The following CRB2 variants were observed in gnomAD, a reference collection of about 807,000 sequenced individuals.
CRB2 encodes the protein protein crumbs homolog 2.
In CRB2, 85 loss-of-function variants were observed where a neutral mutation model predicts 110.9. That is an observed-to-expected ratio of 0.77 (90% CI 0.64 to 0.92). CRB2 has a LOEUF of 0.92. CRB2 is among the 40% of genes least tolerant of loss of function. CRB2 has a pLI of 0.00. For synonymous variants in CRB2, 907 were observed against 831.0 expected (o/e 1.09, Z -1.57); for missense variants, 1,843 against 1,851.3 (o/e 1.00, Z 0.08).
Position 123,370,744 on chromosome 9 carries a change from C to G in CRB2, c.1691C>G (p.Ala564Gly). Residue 564 changes from alanine (A) to glycine (G), a missense_variant, in exon 7 of 13, where the codon GCC becomes GGC. Coordinates refer to ENST00000373631, the MANE Select transcript of CRB2 (RefSeq NM_173689.7). ...ACGGCTTCGGCAACTCCGCTGCCTGCCGGGATCTCCTCTGCCCAGCTGGGG... is the reference window on the plus strand; with the variant it reads ...ACGGCTTCGGCAACTCCGCTGCCTGGCGGGATCTCCTCTGCCCAGCTGGGG... ...ASTASATPLP[A>G]GISSAQLGDA... The G allele has an allele frequency of 6.2e-7, 1 of 1,602,982 alleles. No individual in the cohort carries two copies. Among genetic ancestry groups the G allele is most frequent in the Non-Finnish European group, 8.5e-7 (1 of 1,179,770 alleles).
In CRB2 at chr9:123,363,047, C is replaced by G. The variant is rs576099498; in HGVS notation, c.277C>G (p.Arg93Gly). Residue 93 changes from arginine to glycine, a missense_variant, in exon 2 of 13, where the codon CGC becomes GGC. Coordinates refer to ENST00000373631, the MANE Select transcript of CRB2 (RefSeq NM_173689.7). ...VPQGPDPTGFRCYCVPGFQGP... is the reference protein window; with the variant it reads ...VPQGPDPTGFGCYCVPGFQGP... ...CCAGGGTCCAGATCCCACCGGCTTC[C>G]GCTGCTACTGCGTGCCGGGTTTCCA... is the stretch of plus-strand genomic sequence containing the variant. The G allele has an allele frequency of 6.2e-7, 1 of 1,612,016 alleles. No individual in the cohort carries two copies. Among genetic ancestry groups the G allele is most frequent in the South Asian group, 1.1e-5 (1 of 91,076 alleles).
Position 123,371,349 on chromosome 9 carries a change from A to C in CRB2, c.2207A>C (p.Asp736Ala). Residue 736 changes from aspartate (D) to alanine (A), a missense_variant, in exon 8 of 13, where the codon GAC becomes GCC. Transcript: ENST00000373631. ...RHLVMLSFGP[D>A]QLQDLGQHVH... ...CTGGTGATGCTCAGCTTCGGGCCTG[A>C]CCAGCTGCAGGACCTGGGGCAGCAC... 1 of 1,605,044 alleles carries C rather than the reference A, an allele frequency of 6.2e-7. No homozygotes were observed. The highest frequency in any genetic ancestry group is 8.5e-7 in the Non-Finnish European group (1 of 1,175,072).
chr9:123,374,742 A>G, intron 11 of CRB2, 47 bp downstream of exon 11: 1 of 1,389,340 alleles, frequency 7.2e-7, no homozygotes, highest in Non-Finnish European at 1.0e-6. Context: ...ATGAATGTGG[A>G]GGGCTGTTCC....
In CRB2 at chr9:123,373,710, G is replaced by GTGCGCCCTCGCCCTGTC. The variant is rs750167105; in HGVS notation, c.3183_3199dup (p.His1067ArgfsTer80). ...CTCGGCTGCCGCGGCGCGCCCGTGTGTGCGCCCTCGCCCTGTCTGCACGAC... is the reference window on the plus strand; with the variant it reads ...CTCGGCTGCCGCGGCGCGCCCGTGTGTGCGCCCTCGCCCTGTCTGCGCCCTCGCCCTGTCTGCACGAC... On this transcript the variant is annotated frameshift_variant, in exon 10 of 13. Transcript: ENST00000373631. LOFTEE classifies it high-confidence loss of function. 2.6e-6 allele frequency: 4 copies of GTGCGCCCTCGCCCTGTC among 1,522,218 alleles called. No individual in the cohort carries two copies. The highest frequency in any genetic ancestry group is 2.6e-6 in the Non-Finnish European group (3 of 1,146,988). 94.3% of individuals were successfully genotyped at this position (1,522,218 alleles called of 1,614,324 possible). A position where few individuals can be genotyped will look rare whatever the true frequency, so the allele number is the denominator to read the frequency against.
intron 1 of CRB2, among the ~76,000 whole-genome samples, chr9:123,362,112 A>G (rs1268967473): frequency 6.6e-6 from 1 of 152,212 alleles, no homozygotes; most frequent in Admixed American, 6.5e-5. Context: ...AATTAGGGCC[A>G]GGGACCCTCT....
chr9:123,372,586 G>A (rs2042032641), intron 9 of CRB2, among the ~76,000 whole-genome samples: 1 of 152,260 alleles, frequency 6.6e-6, no homozygotes, highest in Non-Finnish European at 1.5e-5. Context: ...GGCATAGCAT[G>A]TGCCAAGTCC....
chr9:123,358,929 T>A (rs1027085144), intron 1 of CRB2, among the ~76,000 whole-genome samples: 4 of 152,130 alleles, frequency 2.6e-5, no homozygotes, highest in African/African-American at 4.8e-5. Context: ...GAATAGTTAA[T>A]AGTAAAATTG....
At chr9:123,374,553 C>A (rs1214830683) in intron 10 of CRB2, 26 bp from the exon 11 acceptor site, 2 of 1,563,816 alleles carry the variant, frequency 1.3e-6, no homozygotes, top group African/African-American at 1.4e-5. Context: ...GTCCTGCACC[C>A]ACTCCAGCCT....
In CRB2 at chr9:123,373,858, C is replaced by G. The variant is rs1249839887; in HGVS notation, c.3327C>G (p.His1109Gln). 1.9e-6 allele frequency: 3 copies of G among 1,558,638 alleles called. No individual in the cohort carries two copies. Among genetic ancestry groups the G allele is most frequent in the African/African-American group, 2.7e-5 (2 of 73,660 alleles). Reference sequence around the variant, plus strand: ...CCCCCTGCGCCCGTGGCCGCTGTCACACGCACCCCGACGGCCGCTTCGAGT... The same window carrying G: ...CCCCCTGCGCCCGTGGCCGCTGTCAGACGCACCCCGACGGCCGCTTCGAGT... Reference protein sequence around the residue: ...HSAPCARGRCHTHPDGRFECR... With the variant: ...HSAPCARGRCQTHPDGRFECR... The change falls in exon 10 of 13, where the codon CAC becomes CAG. Residue 1109 changes from histidine (H) to glutamine (Q), a missense_variant. Coordinates refer to ENST00000373631, the MANE Select transcript of CRB2 (RefSeq NM_173689.7).
downstream of CRB2, chr9:123,380,073 G>C (rs1028734779): frequency 6.6e-6 from 1 of 152,228 alleles, no homozygotes; most frequent in Non-Finnish European, 1.5e-5. Flanking sequence ...AGACATAGAG[G>C]GGGCTCCCTG....
chr9:123,371,657 T>A, intron 8 of CRB2, 79 bp downstream of exon 8: 2 of 1,578,672 alleles, frequency 1.3e-6, no homozygotes, highest in South Asian at 1.1e-5. Flanking sequence ...CGGGGCTTAG[T>A]GTGTCCTTTT....
intron 12 of CRB2, among the ~76,000 whole-genome samples, chr9:123,376,021 C>T (rs568437304): frequency 5.0e-4 from 76 of 152,114 alleles, no homozygotes; most frequent in African/African-American, 1.7e-3. Context: ...CCTCCGCTTA[C>T]GGGGAATGTT....
At chr9:123,362,157 G>C (rs908015593) in intron 1 of CRB2, among the ~76,000 whole-genome samples, 5 of 152,208 alleles carry the variant, frequency 3.3e-5, no homozygotes, top group Non-Finnish European at 7.3e-5. Context: ...CAGGGGGTGG[G>C]TAGTGATGTG....
Position 123,372,057 on chromosome 9 carries a change from C to T in CRB2, c.2437-120C>T, listed in dbSNP as rs1463403938. On this transcript the variant is annotated intron_variant, in intron 8 of 12. Transcript: ENST00000373631. The stretch of plus-strand genomic sequence containing the variant: ...GGATCTTAGCGACTTCCTCTCCCCT[C>T]GTTTGTGAGGAGATACTGTGTCTGT... 9.0e-6 allele frequency: 9 copies of T among 995,558 alleles called. 1 individual carries two copies. The highest frequency in any genetic ancestry group is 2.1e-4 in the Middle Eastern group (1 of 4,676). 61.7% of individuals were successfully genotyped at this position (995,558 alleles called of 1,614,324 possible). A position where few individuals can be genotyped will look rare whatever the true frequency, so the allele number is the denominator to read the frequency against.
intron 11 of CRB2, 41 bp from the exon 12 acceptor site, chr9:123,375,176 C>G (rs1448684598): frequency 1.9e-6 from 3 of 1,609,620 alleles, no homozygotes; most frequent in African/African-American, 2.7e-5. Context: ...CAAGAGGCAG[C>G]CATGGGGGAA....
Position 123,371,598 on chromosome 9 carries a change from G to A in CRB2, c.2436+20G>A, listed in dbSNP as rs532923048. Reference sequence around the variant, plus strand: ...TGCAGTGTAAGTGTCTGGTGGCGGTGGTGGTGGTGGGGTGGGGAGTCCTTT... The same window carrying A: ...TGCAGTGTAAGTGTCTGGTGGCGGTAGTGGTGGTGGGGTGGGGAGTCCTTT... On this transcript the variant is annotated intron_variant, in intron 8 of 12. Coordinates refer to ENST00000373631, the MANE Select transcript of CRB2 (RefSeq NM_173689.7). The A allele has an allele frequency of 1.2e-6, 2 of 1,610,218 alleles. No individual in the cohort carries two copies. The highest frequency in any genetic ancestry group is 2.2e-5 in the South Asian group (2 of 91,064).
intron 10 of CRB2, 41 bp downstream of exon 10, chr9:123,373,961 T>C: frequency 6.5e-7 from 1 of 1,549,510 alleles, no homozygotes; most frequent in East Asian, 2.4e-5. Flanking sequence ...GAATGCCCCC[T>C]GGGGCTATGG....
intron 3 of CRB2, 41 bp from the exon 4 acceptor site, chr9:123,366,186 G>T (rs1304509384): frequency 7.2e-7 from 1 of 1,384,364 alleles, no homozygotes; most frequent in Non-Finnish European, 9.3e-7. Flanking sequence ...GGGGCAGAAG[G>T]GGCAGGCGCG....
upstream of CRB2, among the ~76,000 whole-genome samples, chr9:123,354,130 A>C (rs2041773630): frequency 6.6e-6 from 1 of 150,708 alleles, no homozygotes; most frequent in African/African-American, 2.4e-5. Flanking sequence ...CTGTCCAGCG[A>C]CTCCCTGGCT....
Sources: allele counts gnomAD v4.1 joint callset (sites outside exome capture counted in the v4.1 genomes callset), GRCh38; gene constraint gnomAD v4.1.1; transcripts MANE v1.5; gene names NCBI Gene and HGNC (gene_info 2026-07-23, HGNC 2026-07-21).